GALNT13: variants seen among roughly 807,000 people sequenced by gnomAD.
The protein encoded by GALNT13 is UDP-GalNAc:polypeptide N-acetylgalactosaminyltransferase 13.
A neutral mutation model predicts 64.2 loss-of-function variants in GALNT13; 28 were observed. That is an observed-to-expected ratio of 0.44 (90% CI 0.32 to 0.60). The LOEUF (loss-of-function observed/expected upper bound fraction) is 0.60, where lower values mean the gene tolerates loss of function less well. Among genes scored for constraint, GALNT13 ranks in the 20% least tolerant of loss-of-function variants. The pLI is 0.05. For synonymous variants in GALNT13, 214 were observed against 224.6 expected (o/e 0.95, Z 0.42); for missense variants, 577 against 669.8 (o/e 0.86, Z 1.53).
intron 3 of GALNT13, among the ~76,000 whole-genome samples, chr2:154,102,180 A>C (rs1702381418): frequency 6.6e-6 from 1 of 152,180 alleles, no homozygotes; most frequent in African/African-American, 2.4e-5. Flanking sequence ...AGTGCAGTTT[A>C]AATCCAGAAT....
chr2:154,052,477 T>C (rs562720053), intron 3 of GALNT13, among the ~76,000 whole-genome samples: 19 of 152,296 alleles, frequency 1.2e-4, no homozygotes, highest in African/African-American at 4.6e-4. Context: ...CAAACTGTCT[T>C]AGAATTTTGT....
At chr2:154,123,725 T>C (rs1309784111) in intron 3 of GALNT13, among the ~76,000 whole-genome samples, 2 of 151,888 alleles carry the variant, frequency 1.3e-5, no homozygotes, top group Admixed American at 1.3e-4. Flanking sequence ...TCTCAAAATA[T>C]AGATGACTCT....
the GALNT13 span, among the ~76,000 whole-genome samples, chr2:153,163,927 A>G: frequency 1.3e-5 from 2 of 151,480 alleles, no homozygotes; most frequent in Non-Finnish European, 2.9e-5. Flanking sequence ...CTGAGGCAGG[A>G]GAATGGCGTG....
the GALNT13 span, among the ~76,000 whole-genome samples, chr2:153,253,880 T>C: frequency 2.6e-5 from 4 of 152,198 alleles, no homozygotes; most frequent in Non-Finnish European, 4.4e-5. Flanking sequence ...CAGTATTTTA[T>C]TGAGGATTTT....
intron 9 of GALNT13, among the ~76,000 whole-genome samples, chr2:154,341,535 G>A (rs114206242): frequency 6.6e-6 from 1 of 152,184 alleles, no homozygotes; most frequent in African/African-American, 2.4e-5. Context: ...AGGTGGGACT[G>A]TCATGCTTGA....
the GALNT13 span, among the ~76,000 whole-genome samples, chr2:153,427,898 T>C: frequency 6.6e-5 from 10 of 152,184 alleles, no homozygotes; most frequent in Non-Finnish European, 1.3e-4. Flanking sequence ...TCTGATGTTA[T>C]TGTTATTGAA....
At chr2:153,722,502 A>C in the GALNT13 span, among the ~76,000 whole-genome samples, 1 of 149,126 alleles carries the variant, frequency 6.7e-6, no homozygotes, top group African/African-American at 2.6e-5. Context: ...CCCTTCAAAA[A>C]ATCAATGAAT....
chr2:153,382,287 A>G, the GALNT13 span, among the ~76,000 whole-genome samples: 1 of 152,074 alleles, frequency 6.6e-6, no homozygotes, highest in African/African-American at 2.4e-5. Flanking sequence ...CCAAGTAGTA[A>G]GCATAGCACC....
chr2:153,727,768 G>A, the GALNT13 span, among the ~76,000 whole-genome samples: 1 of 150,980 alleles, frequency 6.6e-6, no homozygotes, highest in African/African-American at 2.4e-5. Flanking sequence ...TGGGATAAAT[G>A]TGCTGAACAT....
the GALNT13 span, among the ~76,000 whole-genome samples, chr2:153,092,647 G>T: frequency 1.3e-5 from 2 of 151,944 alleles, no homozygotes; most frequent in African/African-American, 4.8e-5. Flanking sequence ...TTCACTGTTG[G>T]CATATAGAAA....
At chr2:153,118,783 A>G in the GALNT13 span, among the ~76,000 whole-genome samples, 18 of 152,342 alleles carry the variant, frequency 1.2e-4, no homozygotes, top group South Asian at 2.9e-3. Flanking sequence ...GTGCTATCAA[A>G]TAGATAAAAT....
At chr2:153,109,029 G>A in the GALNT13 span, among the ~76,000 whole-genome samples, 1 of 152,136 alleles carries the variant, frequency 6.6e-6, no homozygotes, top group Non-Finnish European at 1.5e-5. Context: ...AGATAATATG[G>A]TTGTAGCCTT....
chr2:153,387,949 A>G, the GALNT13 span, among the ~76,000 whole-genome samples: 1 of 151,972 alleles, frequency 6.6e-6, no homozygotes, highest in East Asian at 1.9e-4. Context: ...TATTTATAGC[A>G]TATAAAAATC....
the GALNT13 span, among the ~76,000 whole-genome samples, chr2:153,699,190 C>A: frequency 5.3e-5 from 8 of 152,074 alleles, no homozygotes; most frequent in South Asian, 6.2e-4. Flanking sequence ...GAAATTCACT[C>A]AAAAATACAC....
the GALNT13 span, among the ~76,000 whole-genome samples, chr2:153,567,812 A>G: frequency 9.2e-5 from 14 of 152,362 alleles, no homozygotes; most frequent in Non-Finnish European, 1.8e-4. Context: ...AATAACATTA[A>G]TCTACGGGAA....
chr2:153,456,947 A>G, the GALNT13 span, among the ~76,000 whole-genome samples: 1 of 152,194 alleles, frequency 6.6e-6, no homozygotes, highest in South Asian at 2.1e-4. Context: ...AGTGGAGGGA[A>G]CTATGTGAAC....
At chr2:153,409,300 A>ATATATATATGAATATGTATGTG in the GALNT13 span, among the ~76,000 whole-genome samples, 2 of 144,092 alleles carry the variant, frequency 1.4e-5, no homozygotes, top group Non-Finnish European at 3.0e-5. Flanking sequence ...ATATGTATGT[A>ATATATATATGAATATGTATGTG]TATATATATA....
In GALNT13 at chr2:154,040,966, CT is replaced by C. The variant is rs530230684; in HGVS notation, c.142+96328del. ...ACATCTGTTTTTGTACAAAGTGTTG[CT>C]ATGAAACTTCAGTAGGAAAACATAG... On this transcript the variant is annotated intron_variant, in intron 3 of 12. Coordinates refer to ENST00000392825, the MANE Select transcript of GALNT13 (RefSeq NM_052917.4). 8.8e-4 allele frequency among the ~76,000 whole-genome samples: 123 copies of C among 139,602 alleles called. 22 individuals are homozygous for C. In the South Asian group the frequency reaches 0.028, roughly 32 times the overall value. The allele number at this position is 139,602 out of a possible 152,430, so 91.6% of individuals were successfully genotyped here.
chr2:154,099,393 T>G (rs1383064224), intron 3 of GALNT13, among the ~76,000 whole-genome samples: 2 of 152,174 alleles, frequency 1.3e-5, no homozygotes, highest in Non-Finnish European at 2.9e-5. Context: ...TGATTATTTC[T>G]TTTGCTGTGC....
Sources: gnomAD v4.1 joint callset for allele counts (sites outside exome capture counted in the v4.1 genomes callset) on GRCh38, gnomAD v4.1.1 for gene constraint, MANE v1.5 for transcripts, NCBI Gene and HGNC (gene_info 2026-07-23, HGNC 2026-07-21) for gene names.